Variants in BIN3 observed in about 807,000 individuals in gnomAD.
BIN3 encodes the protein bridging integrator 3.
A neutral mutation model predicts 38.2 loss-of-function variants in BIN3; 41 were observed. The ratio of observed to expected loss-of-function variants is 1.07; its 90% confidence interval spans 0.84 to 1.39. The LOEUF (loss-of-function observed/expected upper bound fraction) is 1.39. Among genes scored for constraint, BIN3 ranks in the 40% most tolerant of loss-of-function variants. BIN3 has a pLI of 0.00. For synonymous variants in BIN3, 145 were observed against 122.6 expected (o/e 1.18, Z -1.21); for missense variants, 361 against 324.3 (o/e 1.11, Z -0.87).
At chr8:22,637,579 G>A (rs1038565495) in intron 2 of BIN3, among the ~76,000 whole-genome samples, 2 of 152,220 alleles carry the variant, frequency 1.3e-5, no homozygotes, top group African/African-American at 4.8e-5. Flanking sequence ...TTGAGAGCCA[G>A]CAACACTGAA....
intron 1 of BIN3, among the ~76,000 whole-genome samples, chr8:22,648,897 ATGTATGTATGTATGTATGTATG>A (rs1802793426): frequency 7.0e-5 from 10 of 143,494 alleles, no homozygotes; most frequent in Middle Eastern, 3.6e-3. Flanking sequence ...ACATCAACGT[ATGTATGTATGTATGTATGTATG>A]TATGTATGTA....
chr8:22,623,182 T>G (rs1002310621), intron 8 of BIN3, among the ~76,000 whole-genome samples: 6 of 152,234 alleles, frequency 3.9e-5, no homozygotes, highest in African/African-American at 1.4e-4. Context: ...GGGTCCTGTG[T>G]GGAAGGGACC....
chr8:22,659,981 C>G (rs552686036), intron 1 of BIN3, among the ~76,000 whole-genome samples: 62 of 152,168 alleles, frequency 4.1e-4, no homozygotes, highest in African/African-American at 1.5e-3. Context: ...ATACTCACCC[C>G]CCAAGAATGG....
intron 1 of BIN3, among the ~76,000 whole-genome samples, chr8:22,652,799 G>A (rs140865829): frequency 6.6e-6 from 1 of 152,288 alleles, no homozygotes; most frequent in Non-Finnish European, 1.5e-5. Flanking sequence ...GTATTTTTAT[G>A]AATCATCTGC....
chr8:22,648,254 A>C (rs990493876), intron 1 of BIN3, among the ~76,000 whole-genome samples: 40 of 152,144 alleles, frequency 2.6e-4, no homozygotes, highest in African/African-American at 6.8e-4. Flanking sequence ...CATTGGTCAC[A>C]AACAATGAAC....
chr8:22,668,823 G>A (rs951249919), intron 1 of BIN3, among the ~76,000 whole-genome samples: 1 of 152,272 alleles, frequency 6.6e-6, no homozygotes, highest in African/African-American at 2.4e-5. Flanking sequence ...CGGAGTCCCA[G>A]GCTAAGAGGA....
intron 2 of BIN3, 113 bp from the exon 3 acceptor site, chr8:22,637,075 G>T (rs1345771584): frequency 1.1e-6 from 1 of 910,334 alleles, no homozygotes; most frequent in East Asian, 2.6e-5. Flanking sequence ...AAAACAACAT[G>T]GTCCAGTTCA....
In BIN3 at chr8:22,651,353, C is replaced by T. The variant is rs1373586357; in HGVS notation, c.9-6550G>A. On this transcript the variant is annotated intron_variant, in intron 1 of 8. Transcript: ENST00000276416. ...CTGCCCTGCAACTGCTGCCTCGCTC[C>T]AACCTGGACTGGCTGCCTGCTCCCC... is the stretch of plus-strand genomic sequence containing the variant. 2.6e-5 allele frequency among the ~76,000 whole-genome samples: 4 copies of T among 152,210 alleles called. No individual in the cohort carries two copies. The East Asian group carries it at 5.8e-4, about 22-fold the overall frequency.
chr8:22,649,846 C>T lies in BIN3; in HGVS notation c.9-5043G>A, dbSNP rs867071043. ...ACACACACACACACACACACACACACACACACACACACCCCCAAAGGAAAA... is the reference window on the plus strand; with the variant it reads ...ACACACACACACACACACACACACATACACACACACACCCCCAAAGGAAAA... On this transcript the variant is annotated intron_variant, in intron 1 of 8. Transcript: ENST00000276416. Among the ~76,000 whole-genome samples, 307 of 137,874 alleles carry T rather than the reference C, an allele frequency of 2.2e-3. 4 individuals carry two copies. The highest frequency in any genetic ancestry group is 7.7e-3 in the African/African-American group (262 of 33,878). 90.5% of individuals were successfully genotyped at this position (137,874 alleles called of 152,430 possible). A position where few individuals can be genotyped will look rare whatever the true frequency, so the allele number is the denominator to read the frequency against.
rs571889678 is a variant in BIN3, at chr8:22,621,244, G to A, written c.*178C>T. The stretch of plus-strand genomic sequence containing the variant: ...CTGCTGGGGCTGTGAGTGGGGAGAC[G>A]GCGGCCTGCCTAGGGCTCCTGGTGC... On this transcript the variant is annotated 3_prime_UTR_variant, in exon 9 of 9. Transcript: ENST00000276416. The A allele has an allele frequency of 5.4e-3, 4,175 of 780,248 alleles. 24 individuals are homozygous for A. Among genetic ancestry groups the A allele is most frequent in the Middle Eastern group, 0.018 (47 of 2,644 alleles). 48.3% of individuals were successfully genotyped at this position (780,248 alleles called of 1,614,324 possible).
chr8:22,628,554 G>C (rs563695989), intron 6 of BIN3, among the ~76,000 whole-genome samples: 9 of 152,316 alleles, frequency 5.9e-5, no homozygotes, highest in Admixed American at 2.0e-4. Context: ...CCTGGCAGGT[G>C]GTGGGCCACC....
intron 1 of BIN3, among the ~76,000 whole-genome samples, chr8:22,661,407 G>A (rs1035381421): frequency 7.7e-6 from 1 of 129,204 alleles, no homozygotes; most frequent in Admixed American, 9.5e-5. Context: ...ACCCAGGCTG[G>A]AATGCAGTGG....
rs554733472 is a variant in BIN3, at chr8:22,630,358, A to G, written c.297+84T>C. ...AGAGCCCTGAGAGCAGAGGGAGCCCACTCGGGCCTCCCCGCACAGTCCACC... is the reference window on the plus strand; with the variant it reads ...AGAGCCCTGAGAGCAGAGGGAGCCCGCTCGGGCCTCCCCGCACAGTCCACC... On this transcript the variant is annotated intron_variant, in intron 5 of 8. Coordinates refer to ENST00000276416, the MANE Select transcript of BIN3 (RefSeq NM_018688.6). The G allele has an allele frequency of 4.7e-5, 73 of 1,538,414 alleles. No homozygotes were observed. The East Asian group carries it at 1.6e-3, about 33-fold the overall frequency.
chr8:22,636,830 CG>C, intron 3 of BIN3, 91 bp downstream of exon 3: 1 of 1,417,046 alleles, frequency 7.1e-7, no homozygotes, highest in East Asian at 2.3e-5. Flanking sequence ...AGGGTGCTCA[CG>C]GGGCAGGGCA....
rs1038599396 is a variant in BIN3, at chr8:22,624,169, G to T, written c.480+53C>A. On this transcript the variant is annotated intron_variant, in intron 7 of 8. Coordinates refer to ENST00000276416, the MANE Select transcript of BIN3 (RefSeq NM_018688.6). ...AGGTGAGGGGAGGGACTTACCACAG[G>T]TGACCACGATGGCCCACCTGTCTAG... 3.8e-6 allele frequency: 6 copies of T among 1,595,440 alleles called. No individual in the cohort carries two copies. The African/African-American group carries it at 8.0e-5, about 21-fold the overall frequency.
intron 2 of BIN3, among the ~76,000 whole-genome samples, chr8:22,644,259 A>AT (rs1190193522): frequency 3.9e-5 from 6 of 152,366 alleles, no homozygotes; most frequent in African/African-American, 1.4e-4. Context: ...GTGGGATTCA[A>AT]TCTTCCTTTC....
intron 1 of BIN3, among the ~76,000 whole-genome samples, chr8:22,654,161 G>T (rs1310288415): frequency 2.0e-5 from 3 of 152,138 alleles, no homozygotes; most frequent in Non-Finnish European, 4.4e-5. Flanking sequence ...AACTAAGTCA[G>T]TTACCTCATG....
chr8:22,635,654 C>T (rs55825642), intron 4 of BIN3, among the ~76,000 whole-genome samples: 1,823 of 152,182 alleles, frequency 0.012, 25 homozygotes, highest in African/African-American at 0.04. Flanking sequence ...CTGTGCCACT[C>T]GGATTGGCGT....
chr8:22,642,309 C>T (rs899198044), intron 2 of BIN3, among the ~76,000 whole-genome samples: 2 of 143,096 alleles, frequency 1.4e-5, no homozygotes, highest in African/African-American at 5.3e-5. Flanking sequence ...GAGACAACTG[C>T]ACAGCCCAGG....
Sources: gnomAD v4.1 joint callset for allele counts (sites outside exome capture counted in the v4.1 genomes callset) on GRCh38, gnomAD v4.1.1 for gene constraint, MANE v1.5 for transcripts, NCBI Gene and HGNC (gene_info 2026-07-23, HGNC 2026-07-21) for gene names.